LRRN2: variants seen among roughly 807,000 people sequenced by gnomAD.
LRRN2 encodes leucine-rich repeat neuronal protein 2.
LRRN2 carries 10 observed loss-of-function variants against 35.7 expected under a neutral mutation model. The ratio of observed to expected loss-of-function variants is 0.28; its 90% CI spans 0.17 to 0.47. LRRN2 has a LOEUF of 0.47. Ranked by LOEUF, LRRN2 falls within the 20% of genes least tolerant of loss-of-function variation. LRRN2 has a pLI of 0.99. For missense variants in LRRN2, 731 were observed against 940.3 expected (o/e 0.78, Z 2.91); for synonymous variants, 391 against 409.6 (o/e 0.95, Z 0.55).
chr1:204,665,656 T>C (rs1558420677), intron 1 of LRRN2, among the ~76,000 whole-genome samples: 1 of 152,166 alleles, frequency 6.6e-6, no homozygotes, highest in Non-Finnish European at 1.5e-5. Context: ...GAGGCTGGGG[T>C]TGGCTCTCTT....
intron 1 of LRRN2, among the ~76,000 whole-genome samples, chr1:204,625,090 G>A (rs1028267933): frequency 3.3e-5 from 5 of 152,220 alleles, no homozygotes; most frequent in South Asian, 2.1e-4. Context: ...CAGCCTCAGC[G>A]TTTATCTGCT....
At chr1:204,666,284 G>C (rs1423592907) in intron 1 of LRRN2, among the ~76,000 whole-genome samples, 2 of 152,210 alleles carry the variant, frequency 1.3e-5, no homozygotes, top group Non-Finnish European at 2.9e-5. Flanking sequence ...AGTTGGTCAT[G>C]ATACAAGTTA....
rs1338633023 is a variant in LRRN2 at position 204,619,950 on chromosome 1, C to T, written c.43G>A (p.Gly15Ser). The change falls in exon 2 of 2, where the codon GGT becomes AGT. Residue 15 changes from glycine (G) to serine (S), a missense_variant. Physicochemically the swap from Gly to Ser is moderately conservative, Grantham distance 56 (BLOSUM62 0). Around this residue, in one of 3 missense-constraint regions of LRRN2, gnomAD observed 246 missense variants for 289.5 expected, o/e 0.85. Coordinates refer to ENST00000367177, the MANE Select transcript of LRRN2 (RefSeq NM_201630.2). ...ACCACGGGCACAGCGGCAGTGGCAC[C>T]AGCCACCCAAGCTAGCAAGAGTGGG... ...VAPLLLAWVA[G>S]ATAAVPVVPW... The T allele has an allele frequency of 6.2e-7, 1 of 1,612,810 alleles. No homozygotes were observed.
chr1:204,681,713 T>C (rs1668959648), intron 1 of LRRN2, among the ~76,000 whole-genome samples: 1 of 152,212 alleles, frequency 6.6e-6, no homozygotes, highest in African/African-American at 2.4e-5. Context: ...TGATTGAGGC[T>C]AACTTGGTGA....
intron 1 of LRRN2, among the ~76,000 whole-genome samples, chr1:204,660,579 ACTCTCTCT>A (rs112179063): frequency 1.1e-5 from 1 of 95,120 alleles, no homozygotes; most frequent in Non-Finnish European, 2.7e-5. Flanking sequence ...ACACACACAC[ACTCTCTCT>A]CTCTCTCTCT....
At chr1:204,648,833 C>G (rs1668164761) in intron 1 of LRRN2, among the ~76,000 whole-genome samples, 1 of 152,186 alleles carries the variant, frequency 6.6e-6, no homozygotes, top group Admixed American at 6.5e-5. Context: ...TGACCTTCCC[C>G]ACTTTACAGC....
Position 204,620,176 on chromosome 1 carries a change from G to A in LRRN2, c.-184C>T. 1 of 1,448,834 alleles carries A rather than the reference G, an allele frequency of 6.9e-7. No individual in the cohort carries two copies. Among genetic ancestry groups the A allele is most frequent in the Non-Finnish European group, 9.1e-7 (1 of 1,099,780 alleles). The allele number at this position is 1,448,834 out of a possible 1,614,324, so 89.7% of individuals were successfully genotyped here. On this transcript the variant is annotated 5_prime_UTR_variant, in exon 2 of 2. Transcript: ENST00000367177. ...TGCCTTCTCTTCCTTGTCCTCTGGG[G>A]CTGGGCCTGCTCAGTCATTGCCAGG...
intron 1 of LRRN2, among the ~76,000 whole-genome samples, chr1:204,625,192 A>G (rs1292550428): frequency 1.3e-5 from 2 of 152,336 alleles, no homozygotes; most frequent in East Asian, 3.9e-4. Flanking sequence ...GACCTTGGGC[A>G]AAGTACTTAA....
chr1:204,639,038 C>T (rs561177091), intron 1 of LRRN2, among the ~76,000 whole-genome samples: 5 of 152,324 alleles, frequency 3.3e-5, no homozygotes, highest in Admixed American at 6.5e-5. Flanking sequence ...AGTGGTGGCA[C>T]GGCCCCCTGG....
In LRRN2 at chr1:204,620,199, A is replaced by G. The variant is rs1666777210; in HGVS notation, c.-207T>C. ...GGGCTGGGCCTGCTCAGTCATTGCC[A>G]GGCCCCATCAGGGGCAGCCCTGGAA... On this transcript the variant is annotated 5_prime_UTR_variant, in exon 2 of 2. Transcript: ENST00000367177. The G allele has an allele frequency of 6.9e-7, 1 of 1,441,924 alleles. No homozygotes were observed. The highest frequency in any genetic ancestry group is 1.5e-5 in the South Asian group (1 of 65,972). 89.3% of individuals were successfully genotyped at this position (1,441,924 alleles called of 1,614,324 possible). A position where few individuals can be genotyped will look rare whatever the true frequency, so the allele number is the denominator to read the frequency against.
At chr1:204,639,192 C>G (rs1255237728) in intron 1 of LRRN2, among the ~76,000 whole-genome samples, 3 of 152,238 alleles carry the variant, frequency 2.0e-5, no homozygotes, top group Non-Finnish European at 4.4e-5. Flanking sequence ...CAGGTCCCCA[C>G]TGAGCAAGGG....
At chr1:204,674,090 C>A (rs921680475) in intron 1 of LRRN2, among the ~76,000 whole-genome samples, 2 of 152,166 alleles carry the variant, frequency 1.3e-5, no homozygotes, top group African/African-American at 4.8e-5. Flanking sequence ...AGCAGCTGTG[C>A]ACCATATCTG....
At position 204,619,165 on chromosome 1, in the gene LRRN2, T is replaced by A; in HGVS notation, c.828A>T (p.Val276=). The A allele has an allele frequency of 6.2e-7, 1 of 1,614,060 alleles. No homozygotes were observed. Among genetic ancestry groups the A allele is most frequent in the Non-Finnish European group, 8.5e-7 (1 of 1,180,022 alleles). Residue 276 remains valine (V), a synonymous_variant, in exon 2 of 2, where the codon GTA becomes GTT. Transcript: ENST00000367177. ...GCATGTTGGCAAAGTCCCCCGGCCC[T>A]ACCCGCTGGAGCGGGTTCTTGTTGA... ...LDLNKNPLQR[V]GPGDFANMLH...
chr1:204,665,508 C>A (rs1558420594), intron 1 of LRRN2, among the ~76,000 whole-genome samples: 1 of 152,312 alleles, frequency 6.6e-6, no homozygotes, highest in East Asian at 1.9e-4. Flanking sequence ...ACAGTTTTAC[C>A]CTTTTTATCT....
chr1:204,646,418 T>C (rs902671762), intron 1 of LRRN2, among the ~76,000 whole-genome samples: 1 of 152,106 alleles, frequency 6.6e-6, no homozygotes, highest in Non-Finnish European at 1.5e-5. Flanking sequence ...GAAACAGGGA[T>C]AGTAGGCACC....
At chr1:204,641,013 AAAAAC>A (rs1483434497) in intron 1 of LRRN2, among the ~76,000 whole-genome samples, 3 of 151,780 alleles carry the variant, frequency 2.0e-5, no homozygotes, top group Admixed American at 6.6e-5. Context: ...AAGAAAAAAA[AAAAAC>A]AAAAAACATC....
chr1:204,652,278 C>T (rs1348717925), intron 1 of LRRN2, among the ~76,000 whole-genome samples: 3 of 132,394 alleles, frequency 2.3e-5, no homozygotes, highest in East Asian at 2.6e-4. Context: ...CCCGCCCCCC[C>T]GCCGCCTTCC....
At position 204,645,213 on chromosome 1, in the gene LRRN2, A is replaced by G. The variant is rs1415576443; in HGVS notation, c.-226-24995T>C. On this transcript the variant is annotated intron_variant, in intron 1 of 1. Transcript: ENST00000367177. ...AAACTGAGGCGGCTTATTTGCCCAG[A>G]GGCATACAATAAGTTGCACTGAGCT... 2.6e-5 allele frequency among the ~76,000 whole-genome samples: 4 copies of G among 152,372 alleles called. No individual in the cohort carries two copies. In the East Asian group the frequency reaches 7.7e-4, roughly 29 times the overall value.
chr1:204,659,366 C>T (rs1668421762), intron 1 of LRRN2, among the ~76,000 whole-genome samples: 1 of 152,198 alleles, frequency 6.6e-6, no homozygotes, highest in African/African-American at 2.4e-5. Context: ...CAGGGCCACA[C>T]TTACCCTAAT....
Sources: allele counts gnomAD v4.1 joint callset (sites outside exome capture counted in the v4.1 genomes callset), GRCh38; gene constraint gnomAD v4.1.1; regional missense constraint gnomAD v4.1.1; transcripts MANE v1.5; gene names NCBI Gene and HGNC (gene_info 2026-07-23, HGNC 2026-07-21).